Variants in TRERF1 observed in about 807,000 individuals in gnomAD.
TRERF1 encodes transcriptional regulating factor 1.
Under a neutral mutation model 122.9 loss-of-function variants are expected in TRERF1, and 27 were observed. That is an observed-to-expected ratio of 0.22 (90% CI 0.16 to 0.30). The LOEUF is 0.30. Ranked by LOEUF, TRERF1 falls within the 10% of genes least tolerant of loss-of-function variation. TRERF1 has a pLI of 1.00. For missense variants in TRERF1, 1,248 were observed against 1,560.3 expected (o/e 0.80, Z 3.37); for synonymous variants, 636 against 641.7 (o/e 0.99, Z 0.13).
chr6:42,336,236 A>G (rs970880327), intron 3 of TRERF1, among the ~76,000 whole-genome samples: 3 of 152,190 alleles, frequency 2.0e-5, no homozygotes, highest in Non-Finnish European at 2.9e-5. Flanking sequence ...AGAACACATG[A>G]GAGGGAAGTT....
At chr6:42,235,386 A>G (rs1404532633) in intron 16 of TRERF1, among the ~76,000 whole-genome samples, 1 of 152,228 alleles carries the variant, frequency 6.6e-6, no homozygotes, top group African/African-American at 2.4e-5. Flanking sequence ...ACCAATTCAG[A>G]CTAGTGGCAG....
At chr6:42,242,473 A>G (rs1217621289) in intron 15 of TRERF1, among the ~76,000 whole-genome samples, 6 of 152,254 alleles carry the variant, frequency 3.9e-5, no homozygotes, top group Admixed American at 6.5e-5. Flanking sequence ...AATGTCAGAC[A>G]TAATTTTTAT....
intron 3 of TRERF1, among the ~76,000 whole-genome samples, chr6:42,302,351 C>T (rs919005457): frequency 6.6e-6 from 1 of 152,158 alleles, no homozygotes; most frequent in African/African-American, 2.4e-5. Flanking sequence ...GTCATTTTCA[C>T]CCATTTGAAT....
chr6:42,378,296 C>T (rs561701620), intron 2 of TRERF1, among the ~76,000 whole-genome samples: 19 of 151,140 alleles, frequency 1.3e-4, no homozygotes, highest in Non-Finnish European at 2.4e-4. Flanking sequence ...TAAGTCGAGG[C>T]GATACAGGCT....
intron 3 of TRERF1, among the ~76,000 whole-genome samples, chr6:42,335,370 A>G (rs1562011456): frequency 6.6e-6 from 1 of 152,254 alleles, no homozygotes; most frequent in Non-Finnish European, 1.5e-5. Flanking sequence ...CTCACAGTGC[A>G]CCAGGCACTC....
At chr6:42,428,488 G>C (rs1783982004) in intron 2 of TRERF1, among the ~76,000 whole-genome samples, 1 of 152,178 alleles carries the variant, frequency 6.6e-6, no homozygotes, top group African/African-American at 2.4e-5. Context: ...GGGGGTGCGA[G>C]AGGGTGAAAC....
chr6:42,281,626 AG>A (rs1258340104), intron 4 of TRERF1, among the ~76,000 whole-genome samples: 1 of 152,180 alleles, frequency 6.6e-6, no homozygotes, highest in Non-Finnish European at 1.5e-5. Context: ...AGACCAGCTG[AG>A]GTGGTCCAGA....
At chr6:42,354,322 A>G (rs1770088501) in intron 3 of TRERF1, among the ~76,000 whole-genome samples, 1 of 150,644 alleles carries the variant, frequency 6.6e-6, no homozygotes, top group Non-Finnish European at 1.5e-5. Context: ...TAATTTGAGC[A>G]CTTTGCAGTG....
intron 17 of TRERF1, among the ~76,000 whole-genome samples, chr6:42,229,938 A>G (rs1415625506): frequency 1.2e-4 from 18 of 152,308 alleles, no homozygotes; most frequent in Non-Finnish European, 5.9e-5. Flanking sequence ...CTGCAATGGC[A>G]CAGCTGAGCA....
intron 2 of TRERF1, among the ~76,000 whole-genome samples, chr6:42,448,190 G>T (rs1313139089): frequency 2.0e-5 from 3 of 151,216 alleles, no homozygotes; most frequent in Non-Finnish European, 4.4e-5. Context: ...AAGCCACACT[G>T]GGCTTTCTGG....
At chr6:42,292,034 C>T (rs937353528) in intron 4 of TRERF1, among the ~76,000 whole-genome samples, 5 of 152,112 alleles carry the variant, frequency 3.3e-5, no homozygotes, top group Non-Finnish European at 7.4e-5. Flanking sequence ...GCTTTTGAGC[C>T]TCAATTTTGA....
intron 2 of TRERF1, among the ~76,000 whole-genome samples, chr6:42,386,991 A>G (rs1776919164): frequency 1.3e-5 from 2 of 152,196 alleles, no homozygotes; most frequent in Admixed American, 6.5e-5. Flanking sequence ...ACCATCACCA[A>G]TTATGACACC....
chr6:42,330,018 ATG>A (rs1212226149), intron 3 of TRERF1, among the ~76,000 whole-genome samples: 1 of 152,156 alleles, frequency 6.6e-6, no homozygotes, highest in African/African-American at 2.4e-5. Flanking sequence ...GATTCTATGT[ATG>A]AACAAACAAA....
In TRERF1 at chr6:42,228,555, C is replaced by A; in HGVS notation, c.3393G>T (p.Thr1131=). 1 of 1,614,214 alleles carries A rather than the reference C, an allele frequency of 6.2e-7. No individual in the cohort carries two copies. Among genetic ancestry groups the A allele is most frequent in the Non-Finnish European group, 8.5e-7 (1 of 1,180,042 alleles). The stretch of plus-strand genomic sequence containing the variant: ...CCACGGGCCCCGTAGTCCTCTCAAT[C>A]GTGGCTGCCATCTCAGCTGCAAAAG... The change falls in exon 18 of 18, where the codon ACG becomes ACT. Residue 1131 remains threonine, a synonymous_variant. Coordinates refer to ENST00000372922, the Ensembl canonical transcript of TRERF1. The surrounding 1 kb of genome is among the most constrained non-coding windows in gnomAD (Gnocchi z 4.2).
intron 3 of TRERF1, among the ~76,000 whole-genome samples, chr6:42,315,583 G>A (rs1273659634): frequency 1.3e-5 from 2 of 152,096 alleles, no homozygotes; most frequent in Non-Finnish European, 2.9e-5. Flanking sequence ...AGCTAAGAGG[G>A]AGCTCCTGGA....
intron 2 of TRERF1, among the ~76,000 whole-genome samples, chr6:42,402,132 TC>T (rs35185211): frequency 0.012 from 1,867 of 152,302 alleles, 30 homozygotes; most frequent in African/African-American, 0.042. Flanking sequence ...AAAATTAACT[TC>T]CAGTAGTAAA....
At chr6:42,277,920 A>AGAAGAAGAC (rs1781521536) in intron 4 of TRERF1, among the ~76,000 whole-genome samples, 1 of 132,434 alleles carries the variant, frequency 7.6e-6, no homozygotes, top group East Asian at 2.3e-4. Context: ...AAGAAGAAGA[A>AGAAGAAGAC]GAAGAAGAAG....
rs146340892 is a variant in TRERF1, at chr6:42,367,952, T to A, written c.-453-4873A>T. Among the ~76,000 whole-genome samples the A allele has an allele frequency of 3.0e-4, 45 of 152,272 alleles. No homozygotes were observed. The East Asian group carries it at 8.5e-3, about 29-fold the overall frequency. On this transcript the variant is annotated intron_variant, in intron 2 of 17. Transcript: ENST00000372922. ...AGCATTCCACAATGGGGTCCTCAGC[T>A]GCCATCTCCTTCCACTTTGACACCC...
chr6:42,396,403 A>ACACACAG (rs1331882455), intron 2 of TRERF1, among the ~76,000 whole-genome samples: 1 of 151,984 alleles, frequency 6.6e-6, no homozygotes, highest in Non-Finnish European at 1.5e-5. Context: ...CTTTGAAGGC[A>ACACACAG]AATAAAAGTG....
Sources: gnomAD v4.1 joint callset for allele counts (sites outside exome capture counted in the v4.1 genomes callset) on GRCh38, gnomAD v4.1.1 for gene constraint, Gnocchi (gnomAD v3.1) non-coding constraint, MANE v1.5 for transcripts, NCBI Gene and HGNC (gene_info 2026-07-23, HGNC 2026-07-21) for gene names.